OSBPL5: variants seen among roughly 807,000 people sequenced by gnomAD.
The protein encoded by OSBPL5 is oxysterol binding protein like 5.
In OSBPL5, 71 loss-of-function variants were observed where a neutral mutation model predicts 111.2. The ratio of observed to expected loss-of-function variants is 0.64; its 90% CI spans 0.53 to 0.78. OSBPL5 has a LOEUF of 0.78. OSBPL5 is among the 30% of genes least tolerant of loss of function. OSBPL5 has a pLI of 0.00. For missense variants in OSBPL5, 1,210 were observed against 1,189.3 expected, an observed-to-expected ratio of 1.02 and a Z score of -0.26; for synonymous variants, 549 against 513.9, an observed-to-expected ratio of 1.07 and a Z score of -0.93.
At chr11:3,124,656 T>C (rs115988986) in intron 3 of OSBPL5, among the ~76,000 whole-genome samples, 3,572 of 152,262 alleles carry the variant, frequency 0.023, 52 homozygotes, top group Middle Eastern at 0.044. Context: ...ACACCACCCT[T>C]GGCCCGCCCA....
intron 7 of OSBPL5, 112 bp downstream of exon 7, chr11:3,119,435 C>T: frequency 9.0e-7 from 1 of 1,109,018 alleles, no homozygotes; most frequent in Non-Finnish European, 1.2e-6. Flanking sequence ...AGGCTGCCCC[C>T]AGACAGTAGA....
rs1857675234 is a variant in OSBPL5, at chr11:3,105,920, C to T, written c.1059+1343G>A. ...GTCTGCCCACTTCTCCCTTCTCCAT[C>T]ACAGCTGGGTCCAGGGTGTCCTCAG... On this transcript the variant is annotated intron_variant, in intron 9 of 21. Transcript: ENST00000263650. The surrounding 1 kb of genome is among the most constrained non-coding windows in gnomAD (Gnocchi z 5.2). 6.6e-6 allele frequency among the ~76,000 whole-genome samples: 1 copy of T among 152,234 alleles called. No homozygotes were observed. The highest frequency in any genetic ancestry group is 1.5e-5 in the Non-Finnish European group (1 of 68,038).
In OSBPL5 at chr11:3,146,648, GCA is replaced by G. The variant is rs1157157034; in HGVS notation, c.-21-17481_-21-17480del. 19 of 152,166 alleles carry G rather than the reference GCA, an allele frequency of 1.2e-4. No homozygotes were observed. Among genetic ancestry groups the G allele is most frequent in the Admixed American group, 7.2e-4 (11 of 15,270 alleles). The allele number at this position is 152,166 out of a possible 1,614,324, so 9.4% of individuals were successfully genotyped here. On this transcript the variant is annotated intron_variant, in intron 1 of 21. Coordinates refer to ENST00000263650, the MANE Select transcript of OSBPL5 (RefSeq NM_020896.4). This position sits in a 1 kb window ranked among gnomAD's most constrained non-coding sequence, Gnocchi z 7.8. ...TTCTGCAGAGCTGCTAAGCCGCTGGGCACACAGCTGTGCCTGAGTGCAGGGGG... is the reference window on the plus strand; with the variant it reads ...TTCTGCAGAGCTGCTAAGCCGCTGGGCACAGCTGTGCCTGAGTGCAGGGGG...
chr11:3,149,564 C>T (rs934288373), intron 1 of OSBPL5, among the ~76,000 whole-genome samples: 2 of 152,226 alleles, frequency 1.3e-5, no homozygotes, highest in African/African-American at 4.8e-5. Flanking sequence ...ACAGTTTATG[C>T]GTCAGGCAGC....
chr11:3,140,633 C>T lies in OSBPL5; in HGVS notation c.-21-11464G>A, dbSNP rs962398893. 5.9e-5 allele frequency among the ~76,000 whole-genome samples: 9 copies of T among 152,282 alleles called. No homozygotes were observed. The East Asian group carries it at 1.2e-3, about 20-fold the overall frequency. ...TGCTGCCCCACCAGTGGACAGGCAT[C>T]GTCGTCCCGGCTCCCCTCTGTCCCC... On this transcript the variant is annotated intron_variant, in intron 1 of 21. Coordinates refer to ENST00000263650, the MANE Select transcript of OSBPL5 (RefSeq NM_020896.4). The surrounding 1 kb of genome is among the most constrained non-coding windows in gnomAD (Gnocchi z 4.5).
At chr11:3,097,505 CA>C (rs1857315216) in intron 14 of OSBPL5, among the ~76,000 whole-genome samples, 1 of 152,174 alleles carries the variant, frequency 6.6e-6, no homozygotes, top group Admixed American at 6.5e-5. Context: ...TGAGAGCCAA[CA>C]AAACAATTTC....
chr11:3,091,880 C>T (rs1857066318), intron 19 of OSBPL5, among the ~76,000 whole-genome samples: 2 of 152,176 alleles, frequency 1.3e-5, no homozygotes, highest in African/African-American at 4.8e-5. Flanking sequence ...TCTGCACCCT[C>T]TGCACGCAGT....
At chr11:3,148,562 C>T (rs1361237541) in intron 1 of OSBPL5, among the ~76,000 whole-genome samples, 4 of 152,222 alleles carry the variant, frequency 2.6e-5, no homozygotes, top group Non-Finnish European at 4.4e-5. Flanking sequence ...TGTCTGGAAC[C>T]GGCTTCCATG....
intron 10 of OSBPL5, among the ~76,000 whole-genome samples, chr11:3,103,882 A>C (rs1266270776): frequency 0.12 from 1,842 of 14,908 alleles, 93 homozygotes; most frequent in South Asian, 0.17. Flanking sequence ...CTGCCTCTGT[A>C]GCCCCATTCC....
At position 3,120,542 on chromosome 11, in the gene OSBPL5, AC is replaced by A; in HGVS notation, c.484del (p.Val162TrpfsTer40). ...GVLLIYKTPK[V>X]GQWVGTVLLH... ...CAGCACCGTGCCCACCCACTGGCCC[AC>A]CTTGGGCGTCTTGTAGATGAGCAGC... On this transcript the variant is annotated frameshift_variant, in exon 6 of 22. Transcript: ENST00000263650. LOFTEE classifies it high-confidence loss of function. 6.2e-7 allele frequency: 1 copy of A among 1,613,220 alleles called. No homozygotes were observed.
Position 3,098,840 on chromosome 11 carries a change from G to A in OSBPL5, c.1621+1318C>T, listed in dbSNP as rs543027712. 2.1e-3 allele frequency among the ~76,000 whole-genome samples: 300 copies of A among 145,384 alleles called. 1 individual carries two copies. Among genetic ancestry groups the A allele is most frequent in the Non-Finnish European group, 3.4e-3 (224 of 66,736 alleles). ...TTTTTTTTTTGAGATGGGATCTCACGCCAGCCCAGGCTGGCATGCACTGGT... is the reference window on the plus strand; with the variant it reads ...TTTTTTTTTTGAGATGGGATCTCACACCAGCCCAGGCTGGCATGCACTGGT... On this transcript the variant is annotated intron_variant, in intron 14 of 21. Coordinates refer to ENST00000263650, the MANE Select transcript of OSBPL5 (RefSeq NM_020896.4).
intron 1 of OSBPL5, among the ~76,000 whole-genome samples, chr11:3,134,477 C>T (rs535652306): frequency 6.6e-6 from 1 of 152,320 alleles, no homozygotes; most frequent in African/African-American, 2.4e-5. Flanking sequence ...CACTCCCCAG[C>T]CTGTGAAGGC....
intron 7 of OSBPL5, 149 bp from the exon 8 acceptor site, chr11:3,108,094 G>A: frequency 9.9e-7 from 1 of 1,007,262 alleles, no homozygotes; most frequent in African/African-American, 1.6e-5. Flanking sequence ...GCCCCAGCAG[G>A]GACATGCCCT....
At chr11:3,112,047 ATG>A (rs879725015) in intron 7 of OSBPL5, among the ~76,000 whole-genome samples, 20,830 of 63,670 alleles carry the variant, frequency 0.33, 1,745 homozygotes, top group Admixed American at 0.4. Flanking sequence ...GTGTGCGCGC[ATG>A]TGTGTGCATG....
intron 14 of OSBPL5, among the ~76,000 whole-genome samples, chr11:3,097,018 G>A (rs1328082355): frequency 3.5e-5 from 4 of 114,562 alleles, no homozygotes; most frequent in Non-Finnish European, 5.2e-5. Flanking sequence ...GGGAAGACGG[G>A]AGGGGGAGGA....
intron 1 of OSBPL5, among the ~76,000 whole-genome samples, chr11:3,147,073 C>G (rs1173176456): frequency 1.3e-5 from 2 of 151,088 alleles, no homozygotes; most frequent in African/African-American, 4.8e-5. Flanking sequence ...ACCCTCACGT[C>G]CTGGGCTTCA....
rs1029651787 is a variant in OSBPL5, at chr11:3,116,758, G to C, written c.691+2789C>G. Among the ~76,000 whole-genome samples the C allele has an allele frequency of 2.0e-5, 3 of 150,310 alleles. No individual in the cohort carries two copies. The Admixed American group carries it at 2.0e-4, about 10-fold the overall frequency. On this transcript the variant is annotated intron_variant, in intron 7 of 21. Transcript: ENST00000263650. ...TAATCCCAGCTACTTGGGAGGCTGA[G>C]GCAGGAGAATTGCTTGAACCCAGGA...
chr11:3,103,895 C>T lies in OSBPL5; in HGVS notation c.1244+298G>A, dbSNP rs113713195. 1.4e-3 allele frequency among the ~76,000 whole-genome samples: 157 copies of T among 111,552 alleles called. 8 individuals carry two copies. The highest frequency in any genetic ancestry group is 6.0e-3 in the African/African-American group (131 of 21,870). 73.2% of individuals were successfully genotyped at this position (111,552 alleles called of 152,430 possible). A position where few individuals can be genotyped will look rare whatever the true frequency, so the allele number is the denominator to read the frequency against. On this transcript the variant is annotated intron_variant, in intron 10 of 21. Transcript: ENST00000263650. ...TCCTGCCTCTGTAGCCCCATTCCTG[C>T]CTCTGCAGCCCCCTTCCTGCCTCTG...
At position 3,162,400 on chromosome 11, in the gene OSBPL5, A is replaced by C. The variant is rs1590743465; in HGVS notation, c.-22+2816T>G. Among the ~76,000 whole-genome samples the C allele has an allele frequency of 6.7e-6, 1 of 149,512 alleles. No homozygotes were observed. ...AGCCAGCCAAGAAGGCTCATGTCCC[A>C]CCCCCTCCCCATCTCCCACCTCAAG... On this transcript the variant is annotated intron_variant, in intron 1 of 21. Coordinates refer to ENST00000263650, the MANE Select transcript of OSBPL5 (RefSeq NM_020896.4). The surrounding 1 kb of genome is among the most constrained non-coding windows in gnomAD (Gnocchi z 8.1).
Sources: allele counts gnomAD v4.1 joint callset (sites outside exome capture counted in the v4.1 genomes callset), GRCh38; gene constraint gnomAD v4.1.1; non-coding constraint Gnocchi (gnomAD v3.1); transcripts MANE v1.5; gene names NCBI Gene and HGNC (gene_info 2026-07-23, HGNC 2026-07-21).